The following SCN7A variants were observed in gnomAD, a reference collection of about 807,000 sequenced individuals.
SCN7A encodes the protein sodium voltage-gated channel alpha subunit 7.
SCN7A carries 138 observed loss-of-function variants against 155.2 expected under a neutral mutation model. The observed-to-expected ratio is 0.89, with a 90% CI of 0.77 to 1.02. The LOEUF is 1.02. Ranked by LOEUF, SCN7A falls within the 50% of genes least tolerant of loss-of-function variation. The pLI is 0.00. For missense variants in SCN7A, 2,058 were observed against 1,986.6 expected (o/e 1.04, Z -0.68); for synonymous variants, 693 against 649.0 (o/e 1.07, Z -1.03).
chr2:166,438,681 G>A (rs1469055941), intron 15 of SCN7A, among the ~76,000 whole-genome samples: 1 of 152,058 alleles, frequency 6.6e-6, no homozygotes, highest in Non-Finnish European at 1.5e-5. Flanking sequence ...AAGTGTGGAG[G>A]TTAAAAAGAT....
chr2:166,416,503 A>G (rs1324490623), intron 21 of SCN7A, among the ~76,000 whole-genome samples: 1 of 152,190 alleles, frequency 6.6e-6, no homozygotes, highest in East Asian at 1.9e-4. Context: ...TCAGCTGGCC[A>G]ACACTTACGG....
Position 166,475,117 on chromosome 2 carries a change from T to C in SCN7A, c.235-773A>G, listed in dbSNP as rs201539983. ...ACACATATATATGTATATATATATA[T>C]ATACATATATATATATATATACACA... On this transcript the variant is annotated intron_variant, in intron 3 of 25. Transcript: ENST00000643258. Among the ~76,000 whole-genome samples the C allele has an allele frequency of 3.2e-4, 39 of 121,380 alleles. No individual in the cohort carries two copies. The East Asian group carries it at 4.0e-3, about 12-fold the overall frequency. The allele number at this position is 121,380 out of a possible 152,430, so 79.6% of individuals were successfully genotyped here. A position where few individuals can be genotyped will look rare whatever the true frequency, so the allele number is the denominator to read the frequency against.
chr2:166,417,350 G>A (rs2105381877), intron 20 of SCN7A, among the ~76,000 whole-genome samples: 2 of 152,222 alleles, frequency 1.3e-5, no homozygotes, highest in Middle Eastern at 6.8e-3. Context: ...GCGGACACCT[G>A]TAGTCCCAAC....
intron 1 of SCN7A, among the ~76,000 whole-genome samples, chr2:166,493,282 T>C (rs1205681027): frequency 6.6e-6 from 1 of 152,222 alleles, no homozygotes; most frequent in Non-Finnish European, 1.5e-5. Context: ...GGCCCATCGG[T>C]GTGTCATTCC....
At chr2:166,434,336 T>C (rs1245442549) in intron 15 of SCN7A, among the ~76,000 whole-genome samples, 1 of 152,164 alleles carries the variant, frequency 6.6e-6, no homozygotes, top group African/African-American at 2.4e-5. Flanking sequence ...ATCTTATCCA[T>C]AGTTTTAGCA....
In SCN7A at chr2:166,432,497, G is replaced by C. The variant is rs761616505; in HGVS notation, c.2413C>G (p.Leu805Val). 3 of 1,613,600 alleles carry C rather than the reference G, an allele frequency of 1.9e-6. No individual in the cohort carries two copies. The highest frequency in any genetic ancestry group is 2.5e-6 in the Non-Finnish European group (3 of 1,179,672). The change falls in exon 16 of 26, where the codon CTC (leucine) becomes GTC (valine). Residue 805 changes from leucine to valine, a missense_variant. Physicochemically the swap from Leu to Val is conservative, Grantham distance 32. Transcript: ENST00000643258. ...CCACTGCTTTTTTCCTTATCTTTGA[G>C]AAAATCTTGGGTGTTGCTCAATTCA... ...LSELSNTQDF[L>V]KDKEKSSGTE... is the part of the protein sequence containing the mutation.
chr2:166,417,975 T>C, intron 20 of SCN7A, among the ~76,000 whole-genome samples: 1 of 151,726 alleles, frequency 6.6e-6, no homozygotes, highest in East Asian at 1.9e-4. Context: ...CTGACTTCAC[T>C]CTTTAAAATT....
In SCN7A at chr2:166,456,907, G is replaced by C; in HGVS notation, c.1253C>G (p.Thr418Ser). 2 of 1,553,740 alleles carry C rather than the reference G, an allele frequency of 1.3e-6. No individual in the cohort carries two copies. Among genetic ancestry groups the C allele is most frequent in the South Asian group, 1.2e-5 (1 of 84,362 alleles). Residue 418 changes from threonine (T) to serine (S), a missense_variant, in exon 11 of 26, where the codon ACT becomes AGT. Coordinates refer to ENST00000643258, the MANE Select transcript of SCN7A (RefSeq NM_002976.4). Reference protein sequence around the residue: ...SKKIEPKFQQTGKELQEGNET... With the variant: ...SKKIEPKFQQSGKELQEGNET... ...ATTTCCTTCTTGAAGTTCTTTTCCA[G>C]TCTGTTGAAATTTTGGTTCAATCTT...
At chr2:166,454,805 T>C (rs1047677426) in intron 11 of SCN7A, among the ~76,000 whole-genome samples, 1 of 152,210 alleles carries the variant, frequency 6.6e-6, no homozygotes, top group Admixed American at 6.5e-5. Flanking sequence ...CTTTCTACCA[T>C]CTGGTCCTTT....
intron 2 of SCN7A, among the ~76,000 whole-genome samples, chr2:166,485,810 T>C (rs1165077306): frequency 6.6e-6 from 1 of 152,142 alleles, no homozygotes. Context: ...AAAATAAGCC[T>C]CTAGAATTCT....
Position 166,421,077 on chromosome 2 carries a change from T to C in SCN7A, c.3135+113A>G, listed in dbSNP as rs553770996. 51 of 597,494 alleles carry C rather than the reference T, an allele frequency of 8.5e-5. No individual in the cohort carries two copies. The African/African-American group carries it at 8.8e-4, about 10-fold the overall frequency. The allele number at this position is 597,494 out of a possible 1,614,324, so 37.0% of individuals were successfully genotyped here. ...AAGCAATGAAACGTAAAGTTTTTGTTGTATTAATACTGTTAAAGGTACAAA... is the reference window on the plus strand; with the variant it reads ...AAGCAATGAAACGTAAAGTTTTTGTCGTATTAATACTGTTAAAGGTACAAA... On this transcript the variant is annotated intron_variant, in intron 20 of 25. Coordinates refer to ENST00000643258, the MANE Select transcript of SCN7A (RefSeq NM_002976.4).
rs555032230 is a variant in SCN7A, at chr2:166,473,707, TATC to T, written c.443+89_443+91del. On this transcript the variant is annotated intron_variant, in intron 5 of 25. Coordinates refer to ENST00000643258, the MANE Select transcript of SCN7A (RefSeq NM_002976.4). Reference sequence around the variant, plus strand: ...ATTTATTATAATATAAAATATAATGTATCATAATTCAATGTTATTAAAATAAAA... The same window carrying T: ...ATTTATTATAATATAAAATATAATGTATAATTCAATGTTATTAAAATAAAA... The T allele has an allele frequency of 2.7e-3, 800 of 293,278 alleles. 6 individuals are homozygous for T. Among genetic ancestry groups the T allele is most frequent in the African/African-American group, 0.017 (732 of 44,176 alleles). The allele number at this position is 293,278 out of a possible 1,614,324, so 18.2% of individuals were successfully genotyped here.
chr2:166,457,027 C>T lies in SCN7A; in HGVS notation c.1133G>A (p.Ser378Asn), dbSNP rs775112434. 7 of 1,610,366 alleles carry T rather than the reference C, an allele frequency of 4.3e-6. No homozygotes were observed. In the African/African-American group the frequency reaches 6.7e-5, roughly 15 times the overall value. Residue 378 changes from serine to asparagine, a missense_variant, in exon 11 of 26, where the codon AGT becomes AAT. Transcript: ENST00000643258. The stretch of plus-strand genomic sequence containing the variant: ...TGCCATATAAAAGGAAAACAAAAAA[C>T]TTACCACCACAAAAAATATCATGTA... ...KVYMIFFVVVSFLFSFYMASL... is the reference protein window; with the variant it reads ...KVYMIFFVVVNFLFSFYMASL...
Position 166,432,404 on chromosome 2 carries a change from CA to C in SCN7A, c.2505del (p.Val836TyrfsTer10). 1 of 1,613,602 alleles carries C rather than the reference CA, an allele frequency of 6.2e-7. No homozygotes were observed. On this transcript the variant is annotated frameshift_variant, in exon 16 of 26. Transcript: ENST00000643258. LOFTEE classifies it high-confidence loss of function. The part of the protein sequence containing the change: ...SLIPSPSVSE[T>X]VPIASGESDI... ...TCAGATTCTCCTGAAGCAATTGGTA[CA>C]GTTTCTGAGACACTAGGACTGGGGA...
chr2:166,424,509 G>T (rs546282839), intron 18 of SCN7A, among the ~76,000 whole-genome samples: 2 of 152,110 alleles, frequency 1.3e-5, no homozygotes, highest in African/African-American at 2.4e-5. Context: ...AGAACAAAAA[G>T]ATTTAACATG....
intron 15 of SCN7A, among the ~76,000 whole-genome samples, chr2:166,439,055 G>GTGTGTGTGTATATATATATATATATA (rs375208870): frequency 8.8e-6 from 1 of 113,412 alleles, no homozygotes; most frequent in African/African-American, 3.8e-5. Context: ...GTGTGTGTGT[G>GTGTGTGTGTATATATATATATATATA]TATATATATA....
chr2:166,485,037 C>T (rs927751979), intron 2 of SCN7A, among the ~76,000 whole-genome samples: 5 of 152,076 alleles, frequency 3.3e-5, no homozygotes, highest in African/African-American at 1.2e-4. Flanking sequence ...GTCTATTTAT[C>T]CAATAGAATA....
In SCN7A at chr2:166,472,381, C is replaced by T. The variant is rs1470482621; in HGVS notation, c.508G>A (p.Ala170Thr). 9 of 1,608,208 alleles carry T rather than the reference C, an allele frequency of 5.6e-6. No individual in the cohort carries two copies. The highest frequency in any genetic ancestry group is 7.7e-6 in the Non-Finnish European group (9 of 1,176,436). ...TCACCGAGGAAGGAAAATGATCCTGCCCAGACACCTCTTGCAAAGAGTTTT... is the reference window on the plus strand; with the variant it reads ...TCACCGAGGAAGGAAAATGATCCTGTCCAGACACCTCTTGCAAAGAGTTTT... ...LVKLFARGVW[A>T]GSFSFLGDPW... The change falls in exon 6 of 26, where the codon GCA (alanine) becomes ACA (threonine). Residue 170 changes from alanine to threonine, a missense_variant. By Grantham distance (58) the Ala-to-Thr change is moderately conservative. Transcript: ENST00000643258.
Position 166,444,789 on chromosome 2 carries a change from A to AC in SCN7A, c.1598_1599insG (p.Asn534Ter). 2 of 1,591,542 alleles carry AC rather than the reference A, an allele frequency of 1.3e-6. No individual in the cohort carries two copies. Among genetic ancestry groups the AC allele is most frequent in the Non-Finnish European group, 1.7e-6 (2 of 1,164,522 alleles). On this transcript the variant is annotated frameshift_variant, in exon 13 of 26. Transcript: ENST00000643258. LOFTEE classifies it high-confidence loss of function. ...GGTTTCCAATGTTGAGAAGAGTGTT[A>AC]GTTTGTTTACTCATTGGATAATGCT...
Sources: allele counts gnomAD v4.1 joint callset (sites outside exome capture counted in the v4.1 genomes callset), GRCh38; gene constraint gnomAD v4.1.1; transcripts MANE v1.5; gene names NCBI Gene and HGNC (gene_info 2026-07-23, HGNC 2026-07-21).